The following ADAM2 variants were observed in gnomAD, a reference collection of about 807,000 sequenced individuals.
ADAM2 encodes disintegrin and metalloproteinase domain-containing protein 2.
Under a neutral mutation model 99.3 loss-of-function variants are expected in ADAM2, and 101 were observed. That is an observed-to-expected ratio of 1.02 (90% confidence interval 0.87 to 1.20). ADAM2 has a LOEUF of 1.20. Among genes scored for constraint, ADAM2 ranks in the 50% most tolerant of loss-of-function variants. The pLI is 0.00. For synonymous variants in ADAM2, 323 were observed against 287.6 expected (o/e 1.12, Z -1.25); for missense variants, 948 against 878.7 (o/e 1.08, Z -1.00).
At chr8:39,752,134 G>T (rs1424411249) in intron 16 of ADAM2, among the ~76,000 whole-genome samples, 1 of 152,088 alleles carries the variant, frequency 6.6e-6, no homozygotes, top group East Asian at 1.9e-4. Context: ...TTTTACAAAA[G>T]CAACCAAAAC....
chr8:39,821,497 T>C, intron 5 of ADAM2, 89 bp downstream of exon 5: 1 of 1,056,748 alleles, frequency 9.5e-7, no homozygotes. Context: ...ATGCCACACT[T>C]TAGAACCACT....
Position 39,809,461 on chromosome 8 carries a change from C to T in ADAM2, c.519G>A (p.Gln173=). The T allele has an allele frequency of 2.1e-6, 3 of 1,431,766 alleles. No individual in the cohort carries two copies. The highest frequency in any genetic ancestry group is 1.8e-5 in the Admixed American group (1 of 54,144). 88.7% of individuals were successfully genotyped at this position (1,431,766 alleles called of 1,614,324 possible). ...TTTCTATATACTTTGCAAAATCTTG[C>T]TGTGGCTGAAAAAATCCACAAATTT... The part of the protein sequence containing the change: ...LSFKLQSVEP[Q]QDFAKYIEMH... Residue 173 remains glutamine (Q), a synonymous_variant, in exon 7 of 21, where the codon CAG becomes CAA. Coordinates refer to ENST00000265708, the MANE Select transcript of ADAM2 (RefSeq NM_001464.5).
chr8:39,755,877 C>A lies in ADAM2; in HGVS notation c.1648G>T (p.Val550Leu). ...GGAATTTGTAATAAAAATTTACCTA[C>A]ATATTTACATATTAATTTTCCGCAC... is the stretch of plus-strand genomic sequence containing the variant. ...LQCGKLICKY[V>L]GKFLLQIPRA... Residue 550 changes from valine to leucine, a missense_variant, in exon 16 of 21, where the codon GTA (valine) becomes TTA (leucine). Coordinates refer to ENST00000265708, the MANE Select transcript of ADAM2 (RefSeq NM_001464.5). 6.4e-7 allele frequency: 1 copy of A among 1,568,828 alleles called. No individual in the cohort carries two copies. Among genetic ancestry groups the A allele is most frequent in the Non-Finnish European group, 8.7e-7 (1 of 1,142,966 alleles).
chr8:39,824,881 T>G lies in ADAM2; in HGVS notation c.205A>C (p.Asn69His), dbSNP rs1805338893. Residue 69 changes from asparagine (N) to histidine (H), a missense_variant, in exon 4 of 21, where the codon AAT becomes CAT. Asn to His is a moderately conservative substitution (Grantham distance 68). Transcript: ENST00000265708. ...CCACTATAACTGTAAACTCTAAAAT[T>G]ATGGGGTAAAAAGTTTCTGTAACAT... ...NLMQKNFLPH[N>H]FRVYSYSGTG... 6.6e-7 allele frequency: 1 copy of G among 1,525,488 alleles called. No homozygotes were observed. Among genetic ancestry groups the G allele is most frequent in the South Asian group, 1.2e-5 (1 of 85,650 alleles). 94.5% of individuals were successfully genotyped at this position (1,525,488 alleles called of 1,614,324 possible).
At chr8:39,838,049 A>T in intron 1 of ADAM2, 82 bp downstream of exon 1, 1 of 1,467,622 alleles carries the variant, frequency 6.8e-7, no homozygotes, top group Non-Finnish European at 9.5e-7. Flanking sequence ...GCATCCTCCC[A>T]GGGATGTCAA....
chr8:39,820,490 G>A (rs905435710), intron 6 of ADAM2, among the ~76,000 whole-genome samples: 7 of 152,034 alleles, frequency 4.6e-5, no homozygotes, highest in African/African-American at 1.7e-4. Flanking sequence ...TGAAGCTGGG[G>A]CTATAAAACT....
intron 7 of ADAM2, among the ~76,000 whole-genome samples, chr8:39,806,776 G>A (rs1327446551): frequency 6.6e-6 from 1 of 152,070 alleles, no homozygotes; most frequent in African/African-American, 2.4e-5. Flanking sequence ...TGCAAAGATT[G>A]TTCTAAGGAG....
intron 2 of ADAM2, among the ~76,000 whole-genome samples, chr8:39,834,280 C>T (rs55681934): frequency 6.6e-6 from 1 of 151,960 alleles, no homozygotes; most frequent in Non-Finnish European, 1.5e-5. Context: ...TCTGTTTGAT[C>T]TAAGAGATTT....
At chr8:39,798,717 G>A (rs562787040) in intron 7 of ADAM2, among the ~76,000 whole-genome samples, 169 of 152,166 alleles carry the variant, frequency 1.1e-3, no homozygotes, top group Non-Finnish European at 2.0e-3. Flanking sequence ...CAATTTCAGA[G>A]CTTGTTATTG....
Position 39,826,976 on chromosome 8 carries a change from A to T in ADAM2, c.189-2079T>A, listed in dbSNP as rs146247385. Reference sequence around the variant, plus strand: ...ACAAAGAGACAACCTAAAGAATGGGAGAAAAGATTTGCCAACTATACATCT... The same window carrying T: ...ACAAAGAGACAACCTAAAGAATGGGTGAAAAGATTTGCCAACTATACATCT... On this transcript the variant is annotated intron_variant, in intron 3 of 20. Coordinates refer to ENST00000265708, the MANE Select transcript of ADAM2 (RefSeq NM_001464.5). Among the ~76,000 whole-genome samples the T allele has an allele frequency of 6.3e-3, 957 of 152,210 alleles. 3 individuals carry two copies. The highest frequency in any genetic ancestry group is 0.013 in the Admixed American group (201 of 15,292).
At chr8:39,770,635 A>C (rs1006171993) in intron 11 of ADAM2, among the ~76,000 whole-genome samples, 4 of 152,150 alleles carry the variant, frequency 2.6e-5, no homozygotes, top group African/African-American at 9.7e-5. Context: ...TATGAAGATA[A>C]ATGTTTTATT....
chr8:39,794,114 A>T lies in ADAM2; in HGVS notation c.571-5374T>A, dbSNP rs552890837. On this transcript the variant is annotated intron_variant, in intron 7 of 20. Transcript: ENST00000265708. The stretch of plus-strand genomic sequence containing the variant: ...ACTAGTGAGTTTTGTGTGTTACTGT[A>T]TCAGGCATATGGCTAAAATTTTAGA... Among the ~76,000 whole-genome samples the T allele has an allele frequency of 2.0e-5, 3 of 152,264 alleles. 1 individual carries two copies. The East Asian group carries it at 5.8e-4, about 29-fold the overall frequency.
intron 10 of ADAM2, among the ~76,000 whole-genome samples, chr8:39,782,162 G>GATGT (rs1340586855): frequency 6.6e-6 from 1 of 152,112 alleles, no homozygotes; most frequent in Non-Finnish European, 1.5e-5. Flanking sequence ...ATTTCTTGAA[G>GATGT]ATGTCTCTTT....
At chr8:39,827,970 T>G (rs1393323153) in intron 3 of ADAM2, among the ~76,000 whole-genome samples, 1 of 152,046 alleles carries the variant, frequency 6.6e-6, no homozygotes, top group Non-Finnish European at 1.5e-5. Flanking sequence ...TTGCGAACTG[T>G]TTATATATAA....
At chr8:39,749,634 T>C in intron 17 of ADAM2, 33 bp downstream of exon 17, 1 of 1,572,184 alleles carries the variant, frequency 6.4e-7, no homozygotes, top group African/African-American at 1.4e-5. Flanking sequence ...GGCTCAATGA[T>C]TTCTATTTTC....
chr8:39,746,753 C>A (rs1235137666), intron 18 of ADAM2, 122 bp from the exon 19 acceptor site: 1 of 786,188 alleles, frequency 1.3e-6, no homozygotes, highest in Non-Finnish European at 1.9e-6. Context: ...TAAAAATTAA[C>A]ATATTTTCTA....
chr8:39,765,470 C>T (rs1224415268), intron 14 of ADAM2, among the ~76,000 whole-genome samples: 1 of 152,016 alleles, frequency 6.6e-6, no homozygotes, highest in Non-Finnish European at 1.5e-5. Flanking sequence ...TATATGCCAA[C>T]AAATTTGATA....
chr8:39,787,265 C>T (rs1275414751), intron 9 of ADAM2, among the ~76,000 whole-genome samples: 5 of 151,080 alleles, frequency 3.3e-5, no homozygotes, highest in African/African-American at 1.2e-4. Context: ...ATTTCTGTAA[C>T]ATAACAAAGA....
intron 2 of ADAM2, 107 bp downstream of exon 2, chr8:39,837,029 A>G (rs1186633110): frequency 1.3e-6 from 1 of 772,032 alleles, no homozygotes; most frequent in Admixed American, 3.4e-5. Flanking sequence ...TTTGGTATAA[A>G]TATAAAATTC....
Sources: gnomAD v4.1 joint callset for allele counts (sites outside exome capture counted in the v4.1 genomes callset) on GRCh38, gnomAD v4.1.1 for gene constraint, MANE v1.5 for transcripts, NCBI Gene and HGNC (gene_info 2026-07-23, HGNC 2026-07-21) for gene names.